Variants in TMEM132B observed in about 807,000 individuals in gnomAD.
TMEM132B encodes transmembrane protein 132B.
A neutral mutation model predicts 90.8 loss-of-function variants in TMEM132B; 18 were observed. The observed-to-expected ratio is 0.20, with a 90% CI of 0.14 to 0.29. The LOEUF is 0.29. Among genes scored for constraint, TMEM132B ranks in the 10% least tolerant of loss-of-function variants. The probability of loss-of-function intolerance (pLI) is 1.00; values close to 1 mark genes in which losing one functional copy is unlikely to be tolerated. For missense variants in TMEM132B, 1,096 were observed against 1,326.8 expected (o/e 0.83, Z 2.70); for synonymous variants, 504 against 523.3 (o/e 0.96, Z 0.50).
intron 3 of TMEM132B, among the ~76,000 whole-genome samples, chr12:125,430,731 T>C (rs183316607): frequency 1.0e-3 from 154 of 152,332 alleles, no homozygotes; most frequent in African/African-American, 3.5e-3. Flanking sequence ...GGAAATCAGC[T>C]GGAAACAAAA....
intron 4 of TMEM132B, among the ~76,000 whole-genome samples, chr12:125,544,459 G>A (rs1224469740): frequency 6.6e-6 from 1 of 152,162 alleles, no homozygotes; most frequent in Non-Finnish European, 1.5e-5. Flanking sequence ...CTTCATCCAT[G>A]GAACTGTGGG....
At chr12:125,195,578 TAGTAGAGACGGGGTTTC>T (rs1872906899) in intron 1 of TMEM132B, among the ~76,000 whole-genome samples, 1 of 151,998 alleles carries the variant, frequency 6.6e-6, no homozygotes, top group Admixed American at 6.6e-5. Flanking sequence ...TTTGTATTTT[TAGTAGAGACGGGGTTTC>T]ACTGTGTTTG....
intron 4 of TMEM132B, among the ~76,000 whole-genome samples, chr12:125,580,769 A>G (rs1184623703): frequency 2.6e-5 from 4 of 152,238 alleles, no homozygotes; most frequent in Admixed American, 6.5e-5. Context: ...TTTCACTGAC[A>G]TCACCCTAAC....
At chr12:125,580,927 G>A (rs910148858) in intron 4 of TMEM132B, among the ~76,000 whole-genome samples, 2 of 152,150 alleles carry the variant, frequency 1.3e-5, no homozygotes, top group South Asian at 2.1e-4. Flanking sequence ...ATCAGGGGAC[G>A]ATTTCAATGT....
Position 125,237,649 on chromosome 12 carries a change from G to A in TMEM132B, c.67+50783G>A, listed in dbSNP as rs150601110. Among the ~76,000 whole-genome samples, 35 of 152,130 alleles carry A rather than the reference G, an allele frequency of 2.3e-4. 1 individual carries two copies. Among genetic ancestry groups the A allele is most frequent in the Middle Eastern group, 3.4e-3 (1 of 294 alleles). On this transcript the variant is annotated intron_variant, in intron 1 of 8. Coordinates refer to ENST00000682704, the MANE Select transcript of TMEM132B (RefSeq NM_001366854.1). ...TTTTTAGTAGAGATGGGGTTTCACC[G>A]TGTTGGCTAGGCTTGTCTCGAACTC...
rs1302745885 is a variant in TMEM132B at position 125,650,934 on chromosome 12, C to T, written c.1895C>T (p.Pro632Leu). 7.4e-6 allele frequency: 12 copies of T among 1,612,404 alleles called. No homozygotes were observed. Among genetic ancestry groups the T allele is most frequent in the South Asian group, 3.3e-5 (3 of 91,012 alleles). ...QDGRTLAGREPGITTVQVLSP... is the reference protein window; with the variant it reads ...QDGRTLAGRELGITTVQVLSP... ...GGCAGGACCCTGGCTGGTCGGGAGCCGGGAATAACCACGGTGCAGGTACAC... is the reference window on the plus strand; with the variant it reads ...GGCAGGACCCTGGCTGGTCGGGAGCTGGGAATAACCACGGTGCAGGTACAC... Residue 632 changes from proline (P) to leucine (L), a missense_variant, in exon 7 of 9, where the codon CCG becomes CTG. Physicochemically the swap from Pro to Leu is moderately conservative, Grantham distance 98. Coordinates refer to ENST00000682704, the MANE Select transcript of TMEM132B (RefSeq NM_001366854.1).
intron 1 of TMEM132B, among the ~76,000 whole-genome samples, chr12:125,269,490 C>T (rs953439646): frequency 1.3e-5 from 2 of 152,180 alleles, no homozygotes; most frequent in African/African-American, 4.8e-5. Context: ...TAGCTCTTTA[C>T]CTGTGTCCTG....
chr12:125,226,726 G>A (rs2136078724), intron 1 of TMEM132B, among the ~76,000 whole-genome samples: 1 of 152,300 alleles, frequency 6.6e-6, no homozygotes, highest in South Asian at 2.1e-4. Context: ...GTAAAGTGGG[G>A]TAAAATCTAC....
At chr12:125,283,351 ATATG>A (rs1875253131) in intron 1 of TMEM132B, among the ~76,000 whole-genome samples, 2 of 152,112 alleles carry the variant, frequency 1.3e-5, no homozygotes, top group African/African-American at 4.8e-5. Context: ...AATCTGTTGA[ATATG>A]TATTATATTC....
intron 2 of TMEM132B, among the ~76,000 whole-genome samples, chr12:125,404,579 A>G (rs1879412294): frequency 6.6e-6 from 1 of 152,202 alleles, no homozygotes; most frequent in Non-Finnish European, 1.5e-5. Context: ...GTGTTCTTCT[A>G]AGCACTTAAT....
chr12:125,345,889 T>A (rs1186559524), intron 1 of TMEM132B, among the ~76,000 whole-genome samples: 1 of 152,080 alleles, frequency 6.6e-6, no homozygotes, highest in East Asian at 1.9e-4. Context: ...TACCTGCCAA[T>A]GGGAAAAAGA....
Position 125,459,517 on chromosome 12 carries a change from G to A in TMEM132B, c.1106+43840G>A, listed in dbSNP as rs1881381364. On this transcript the variant is annotated intron_variant, in intron 3 of 8. Coordinates refer to ENST00000682704, the MANE Select transcript of TMEM132B (RefSeq NM_001366854.1). The surrounding 1 kb of genome is among the most constrained non-coding windows in gnomAD (Gnocchi z 4.1). ...GAGAGTAAAAGGATGGTTACCAGAAGCTGGAAGGGTAGTAGTAGGGTGTGG... is the reference window on the plus strand; with the variant it reads ...GAGAGTAAAAGGATGGTTACCAGAAACTGGAAGGGTAGTAGTAGGGTGTGG... Among the ~76,000 whole-genome samples, 1 of 152,238 alleles carries A rather than the reference G, an allele frequency of 6.6e-6. No individual in the cohort carries two copies. The highest frequency in any genetic ancestry group is 1.5e-5 in the Non-Finnish European group (1 of 68,040).
intron 3 of TMEM132B, among the ~76,000 whole-genome samples, chr12:125,465,642 G>T (rs955639400): frequency 2.0e-5 from 3 of 152,160 alleles, no homozygotes; most frequent in Non-Finnish European, 4.4e-5. Context: ...ACAGCCTCTG[G>T]CTCTTAGCTG....
chr12:125,259,752 G>A (rs1394262536), intron 1 of TMEM132B, among the ~76,000 whole-genome samples: 1 of 152,188 alleles, frequency 6.6e-6, no homozygotes, highest in Non-Finnish European at 1.5e-5. Flanking sequence ...ATGGGGGAAG[G>A]CAGCACACGA....
chr12:125,432,377 ATATATATATATATATATATATGTATG>A (rs1880538051), intron 3 of TMEM132B, among the ~76,000 whole-genome samples: 1 of 64,532 alleles, frequency 1.5e-5, no homozygotes, highest in Admixed American at 1.9e-4. Flanking sequence ...ATATATATAT[ATATATATATATATATATATATGTATG>A]TATGTGTATA....
chr12:125,522,683 GTGC>G (rs1401768439), intron 4 of TMEM132B, among the ~76,000 whole-genome samples: 1 of 152,184 alleles, frequency 6.6e-6, no homozygotes, highest in Non-Finnish European at 1.5e-5. Flanking sequence ...CAGCTGTGAG[GTGC>G]TGCTGGCCAC....
chr12:125,271,055 A>C (rs75903558), intron 1 of TMEM132B, among the ~76,000 whole-genome samples: 24,266 of 151,532 alleles, frequency 0.16, 2,506 homozygotes, highest in African/African-American at 0.29. Flanking sequence ...GGCTCAAGTG[A>C]TCCTCCCACC....
chr12:125,535,222 T>C (rs945873094), intron 4 of TMEM132B, among the ~76,000 whole-genome samples: 1 of 152,244 alleles, frequency 6.6e-6, no homozygotes. Context: ...CCGCCATTGT[T>C]CCAGAAAAGA....
At chr12:125,234,571 C>T (rs995928316) in intron 1 of TMEM132B, among the ~76,000 whole-genome samples, 1 of 152,226 alleles carries the variant, frequency 6.6e-6, no homozygotes, top group Non-Finnish European at 1.5e-5. Context: ...ACCAACCCCC[C>T]TCGGTCCCTT....
Sources: gnomAD v4.1 joint callset for allele counts (sites outside exome capture counted in the v4.1 genomes callset) on GRCh38, gnomAD v4.1.1 for gene constraint, Gnocchi (gnomAD v3.1) non-coding constraint, MANE v1.5 for transcripts, NCBI Gene and HGNC (gene_info 2026-07-23, HGNC 2026-07-21) for gene names.